Variants in ACTR3B observed in about 807,000 individuals in gnomAD.
The protein encoded by ACTR3B is actin related protein 3B.
Under a neutral mutation model 59.0 loss-of-function variants are expected in ACTR3B, and 8 were observed. The ratio of observed to expected loss-of-function variants is 0.14; its 90% CI spans 0.08 to 0.24. The LOEUF is 0.24. Ranked by LOEUF, ACTR3B falls within the 10% of genes least tolerant of loss-of-function variation. The probability of loss-of-function intolerance (pLI) is 1.00; values close to 1 mark genes in which losing one functional copy is unlikely to be tolerated. For missense variants in ACTR3B, 245 were observed against 552.3 expected (o/e 0.44, Z 5.58); for synonymous variants, 148 against 197.9 (o/e 0.75, Z 2.12).
chr7:152,842,897 C>T (rs1242559946), intron 9 of ACTR3B, among the ~76,000 whole-genome samples: 12 of 152,182 alleles, frequency 7.9e-5, no homozygotes, highest in Admixed American at 7.9e-4. Flanking sequence ...TTCGTCTTAA[C>T]CCAAACTTGG....
intron 4 of ACTR3B, among the ~76,000 whole-genome samples, chr7:152,810,541 C>T (rs1238568002): frequency 2.0e-5 from 3 of 151,852 alleles, no homozygotes; most frequent in African/African-American, 7.3e-5. Flanking sequence ...TGGAGTGATC[C>T]TCCTGCCTCA....
At chr7:152,850,525 G>T (rs1329089043) in intron 9 of ACTR3B, among the ~76,000 whole-genome samples, 2 of 152,290 alleles carry the variant, frequency 1.3e-5, no homozygotes, top group African/African-American at 4.8e-5. Context: ...TGGAAGGCCG[G>T]ATCACTGGTG....
At chr7:152,759,964 G>A in intron 1 of ACTR3B, 38 bp downstream of exon 1, 2 of 1,329,336 alleles carry the variant, frequency 1.5e-6, no homozygotes, top group South Asian at 1.8e-5. Context: ...CTCCTCCGCG[G>A]CCCCGCTCCC....
chr7:152,761,100 TG>T (rs2098088039), intron 1 of ACTR3B, among the ~76,000 whole-genome samples: 1 of 152,188 alleles, frequency 6.6e-6, no homozygotes, highest in African/African-American at 2.4e-5. Context: ...CGACCAGAAG[TG>T]GTTGTGGACT....
intron 4 of ACTR3B, among the ~76,000 whole-genome samples, chr7:152,803,527 G>T (rs1049400687): frequency 6.6e-6 from 1 of 151,984 alleles, no homozygotes; most frequent in Non-Finnish European, 1.5e-5. Context: ...GAGCCCAGCT[G>T]CTTCCTTCTG....
chr7:152,806,831 C>T (rs1274939235), intron 4 of ACTR3B, among the ~76,000 whole-genome samples: 3 of 152,222 alleles, frequency 2.0e-5, no homozygotes, highest in African/African-American at 7.2e-5. Context: ...CATTTCCCAT[C>T]ATAGATCAGT....
chr7:152,821,472 G>GAAA (rs376567031), intron 7 of ACTR3B, among the ~76,000 whole-genome samples: 2 of 136,114 alleles, frequency 1.5e-5, no homozygotes, highest in Non-Finnish European at 3.3e-5. Flanking sequence ...TTTCAAAAAA[G>GAAA]AAAAAAAAAA....
chr7:152,822,459 C>T (rs1203967881), intron 7 of ACTR3B, among the ~76,000 whole-genome samples: 1 of 152,218 alleles, frequency 6.6e-6, no homozygotes, highest in Admixed American at 6.5e-5. Context: ...ACTTCGCATC[C>T]CTCAGGCTGC....
intron 1 of ACTR3B, among the ~76,000 whole-genome samples, chr7:152,781,623 T>G (rs1482838908): frequency 6.6e-6 from 1 of 152,196 alleles, no homozygotes; most frequent in East Asian, 1.9e-4. Context: ...TGATTTCTGG[T>G]CTGCTTGTTG....
rs181437682 is a variant in ACTR3B, at chr7:152,824,652, C to T, written c.859-378C>T. ...CTTTTTCCTTATATACTAATTTTCT[C>T]ATAATACGAATATTGTCAAATGATA... On this transcript the variant is annotated intron_variant, in intron 8 of 11. Transcript: ENST00000256001. This position sits in a 1 kb window ranked among gnomAD's most constrained non-coding sequence, Gnocchi z 4.2. Among the ~76,000 whole-genome samples, 122 of 152,302 alleles carry T rather than the reference C, an allele frequency of 8.0e-4. No individual in the cohort carries two copies. The highest frequency in any genetic ancestry group is 1.2e-3 in the Non-Finnish European group (82 of 68,038).
chr7:152,844,757 C>A (rs1468978144), intron 9 of ACTR3B, among the ~76,000 whole-genome samples: 61 of 146,906 alleles, frequency 4.2e-4, no homozygotes, highest in African/African-American at 1.3e-3. Flanking sequence ...TATTACAGAG[C>A]CTTATGCACA....
chr7:152,815,057 G>C (rs1563121907), intron 5 of ACTR3B, among the ~76,000 whole-genome samples: 2 of 151,406 alleles, frequency 1.3e-5, no homozygotes, highest in Non-Finnish European at 2.9e-5. Flanking sequence ...GTTTTCATGA[G>C]CTCGCAGAAC....
rs1204049452 is a variant in ACTR3B at position 152,854,415 on chromosome 7, T to TTCTGAAAGTCAC, written c.1162-36_1162-35insGTCACTCTGAAA. ...TTGGTAGCTGGTTCCCTTGACTTTC[T>TTCTGAAAGTCAC]TCTGAAATGAGTGTCTTTCTGTCTG... On this transcript the variant is annotated intron_variant, in intron 11 of 11. Transcript: ENST00000256001. The surrounding 1 kb of genome is among the most constrained non-coding windows in gnomAD (Gnocchi z 4.9). 3.8e-6 allele frequency: 6 copies of TTCTGAAAGTCAC among 1,581,240 alleles called. No individual in the cohort carries two copies. The highest frequency in any genetic ancestry group is 5.2e-6 in the Non-Finnish European group (6 of 1,150,370).
At chr7:152,821,330 G>T (rs565921050) in intron 7 of ACTR3B, among the ~76,000 whole-genome samples, 121 of 152,240 alleles carry the variant, frequency 7.9e-4, no homozygotes, top group Non-Finnish European at 1.3e-3. Context: ...TGTTAGAAAT[G>T]TAAGTCAGAA....
At position 152,796,886 on chromosome 7, in the gene ACTR3B, T is replaced by G. The variant is rs1329344763; in HGVS notation, c.101-3645T>G. On this transcript the variant is annotated intron_variant, in intron 2 of 11. Coordinates refer to ENST00000256001, the MANE Select transcript of ACTR3B (RefSeq NM_020445.6). ...TTTTTTTTTTTTTTTTTTTTTTTTT[T>G]TTTTTTTTTTTTGTAGAGACGGGTT... Among the ~76,000 whole-genome samples, 35 of 128,770 alleles carry G rather than the reference T, an allele frequency of 2.7e-4. 1 individual carries two copies. The highest frequency in any genetic ancestry group is 1.1e-3 in the East Asian group (5 of 4,510). 84.5% of individuals were successfully genotyped at this position (128,770 alleles called of 152,430 possible).
intron 9 of ACTR3B, among the ~76,000 whole-genome samples, chr7:152,838,548 G>T (rs1417869915): frequency 2.0e-5 from 3 of 151,692 alleles, no homozygotes; most frequent in Non-Finnish European, 4.4e-5. Flanking sequence ...GGCCTGTTAG[G>T]GGAGGGAGAG....
At chr7:152,779,044 C>G (rs2969842) in intron 1 of ACTR3B, among the ~76,000 whole-genome samples, 21 of 135,730 alleles carry the variant, frequency 1.5e-4, no homozygotes, top group Non-Finnish European at 2.5e-4. Flanking sequence ...GTATTATAGA[C>G]ATATCGTGCT....
intron 1 of ACTR3B, among the ~76,000 whole-genome samples, chr7:152,782,187 A>G (rs1017481485): frequency 1.3e-5 from 2 of 151,418 alleles, no homozygotes; most frequent in Non-Finnish European, 2.9e-5. Flanking sequence ...GCATATTGAA[A>G]TAATTTTTAA....
At chr7:152,773,474 C>T (rs992632850) in intron 1 of ACTR3B, among the ~76,000 whole-genome samples, 4 of 151,950 alleles carry the variant, frequency 2.6e-5, no homozygotes, top group African/African-American at 9.7e-5. Context: ...GTAATACCAG[C>T]TACTCAGGAG....
Sources: gnomAD v4.1 joint callset for allele counts (sites outside exome capture counted in the v4.1 genomes callset) on GRCh38, gnomAD v4.1.1 for gene constraint, Gnocchi (gnomAD v3.1) non-coding constraint, MANE v1.5 for transcripts, NCBI Gene and HGNC (gene_info 2026-07-23, HGNC 2026-07-21) for gene names.